Variants in SNIP1 observed in about 807,000 individuals in gnomAD.
SNIP1 encodes smad nuclear-interacting protein 1.
A neutral mutation model predicts 37.4 loss-of-function variants in SNIP1; 23 were observed. That is an observed-to-expected ratio of 0.61 (90% confidence interval 0.44 to 0.87). The LOEUF (loss-of-function observed/expected upper bound fraction) is 0.87. Ranked by LOEUF, SNIP1 falls within the 40% of genes least tolerant of loss-of-function variation. The pLI, the probability that SNIP1 is intolerant of heterozygous loss-of-function variation, is 0.00. For missense variants in SNIP1, 459 were observed against 540.4 expected (o/e 0.85, Z 1.49); for synonymous variants, 174 against 200.0 (o/e 0.87, Z 1.10).
chr1:37,540,357 T>C lies in SNIP1; in HGVS notation c.726A>G (p.Val242=), dbSNP rs1643158432. 3.1e-6 allele frequency: 5 copies of C among 1,614,184 alleles called. No homozygotes were observed. The highest frequency in any genetic ancestry group is 4.2e-6 in the Non-Finnish European group (5 of 1,180,026). ...CTGGGGGCTCACTATATTTAATGAC[T>C]ACACCCCGGAAAGTGTTGGTGTCCT... is the stretch of plus-strand genomic sequence containing the variant. ...LLEDTNTFRG[V]VIKYSEPPEA... is the part of the protein sequence containing the mutation. The change falls in exon 3 of 4, where the codon GTA becomes GTG. Residue 242 remains valine (V), a synonymous_variant. Coordinates refer to ENST00000296215, the MANE Select transcript of SNIP1 (RefSeq NM_024700.4). The surrounding 1 kb of genome is among the most constrained non-coding windows in gnomAD (Gnocchi z 5.6).
At chr1:37,553,022 A>G (rs1297361175) in intron 1 of SNIP1, among the ~76,000 whole-genome samples, 1 of 152,072 alleles carries the variant, frequency 6.6e-6, no homozygotes, top group Non-Finnish European at 1.5e-5. Flanking sequence ...ACTCCTTGCC[A>G]TCTCGCTGAT....
At position 37,536,320 on chromosome 1, in the gene SNIP1, CTGAT is replaced by C. The variant is rs1457105444; in HGVS notation, c.*1424_*1427del. On this transcript the variant is annotated 3_prime_UTR_variant, in exon 4 of 4. Coordinates refer to ENST00000296215, the MANE Select transcript of SNIP1 (RefSeq NM_024700.4). ...CCAAGAGGAACAATTAGTAGTAACA[CTGAT>C]TGAGCTGCTTCACCACCTTTCCCCA... 2.0e-5 allele frequency: 3 copies of C among 152,182 alleles called. No homozygotes were observed. Among genetic ancestry groups the C allele is most frequent in the Non-Finnish European group, 4.4e-5 (3 of 68,038 alleles). 9.4% of individuals were successfully genotyped at this position (152,182 alleles called of 1,614,324 possible).
At chr1:37,553,915 C>T (rs1257456431) in intron 1 of SNIP1, 91 bp downstream of exon 1, 2 of 1,332,728 alleles carry the variant, frequency 1.5e-6, no homozygotes, top group Non-Finnish European at 2.1e-6. Flanking sequence ...CTGCTGCGCC[C>T]ACCATTCAAA....
intron 2 of SNIP1, chr1:37,548,758 AAAG>A (rs1211348880): frequency 4.6e-5 from 7 of 152,134 alleles, no homozygotes; most frequent in African/African-American, 1.7e-4. Context: ...AAAAAAAAAA[AAAG>A]ACGACTGAAT....
chr1:37,542,088 T>G (rs2148113575), intron 2 of SNIP1, among the ~76,000 whole-genome samples: 1 of 152,340 alleles, frequency 6.6e-6, no homozygotes, highest in Non-Finnish European at 1.5e-5. Flanking sequence ...CTCTTTAGCA[T>G]TCCTAATTGC....
At position 37,554,108 on chromosome 1, in the gene SNIP1, G is replaced by A; in HGVS notation, c.122C>T (p.Pro41Leu). 2.5e-6 allele frequency: 4 copies of A among 1,612,310 alleles called. No homozygotes were observed. Among genetic ancestry groups the A allele is most frequent in the Non-Finnish European group, 3.4e-6 (4 of 1,179,402 alleles). The change falls in exon 1 of 4, where the codon CCC (proline) becomes CTC (leucine). Residue 41 changes from proline to leucine, a missense_variant. Pro to Leu is a moderately conservative substitution (Grantham distance 98). Coordinates refer to ENST00000296215, the MANE Select transcript of SNIP1 (RefSeq NM_024700.4). The part of the protein sequence containing the change: ...QERLSPEVAP[P>L]AHRRPDHSGG... Reference sequence around the variant, plus strand: ...GGAGTGGTCCGGACGGCGGTGGGCGGGAGGTGCGACTTCTGGGCTGAGACG... The same window carrying A: ...GGAGTGGTCCGGACGGCGGTGGGCGAGAGGTGCGACTTCTGGGCTGAGACG...
rs1443545868 is a variant in SNIP1, at chr1:37,554,214, T to A, written c.16A>T (p.Ser6Cys). The A allele has an allele frequency of 2.5e-6, 4 of 1,604,416 alleles. No individual in the cohort carries two copies. In the East Asian group the frequency reaches 8.9e-5, roughly 36 times the overall value. Residue 6 changes from serine to cysteine, a missense_variant, in exon 1 of 4, where the codon AGC (serine) becomes TGC (cysteine). Physicochemically the swap from Ser to Cys is moderately radical, Grantham distance 112. Coordinates refer to ENST00000296215, the MANE Select transcript of SNIP1 (RefSeq NM_024700.4). ...CGCCGGCTCCCTCGCTCCCGTTCGCTCTTCACCGCCTTCATTCTGTGATTT... is the reference window on the plus strand; with the variant it reads ...CGCCGGCTCCCTCGCTCCCGTTCGCACTTCACCGCCTTCATTCTGTGATTT... The part of the protein sequence containing the change: MKAVK[S>C]ERERGSRRRH...
chr1:37,547,939 G>C (rs1205950481), intron 2 of SNIP1, among the ~76,000 whole-genome samples: 1 of 151,874 alleles, frequency 6.6e-6, no homozygotes, highest in African/African-American at 2.4e-5. Flanking sequence ...GAGGTCAGGA[G>C]ATGGAGACCA....
chr1:37,543,039 A>G (rs1643192196), intron 2 of SNIP1, among the ~76,000 whole-genome samples: 1 of 151,940 alleles, frequency 6.6e-6, no homozygotes, highest in African/African-American at 2.4e-5. Context: ...CAGCCTTGGC[A>G]ACAGAGACCC....
chr1:37,539,671 C>A (rs1643146055), intron 3 of SNIP1, among the ~76,000 whole-genome samples: 1 of 152,224 alleles, frequency 6.6e-6, no homozygotes. Context: ...GATCGCGCCA[C>A]TGCACTCCAG....
intron 2 of SNIP1, among the ~76,000 whole-genome samples, chr1:37,545,595 A>G (rs1433829795): frequency 6.6e-6 from 1 of 151,992 alleles, no homozygotes; most frequent in African/African-American, 2.4e-5. Context: ...CAAAATGATT[A>G]GGGAGAAAAT....
intron 3 of SNIP1, among the ~76,000 whole-genome samples, chr1:37,538,400 T>G (rs1643125114): frequency 1.3e-5 from 2 of 150,922 alleles, no homozygotes; most frequent in African/African-American, 4.9e-5. Flanking sequence ...AGCCAGCTAC[T>G]TGGGAGGTTG....
At chr1:37,546,579 C>A (rs1217716797) in intron 2 of SNIP1, among the ~76,000 whole-genome samples, 1 of 151,912 alleles carries the variant, frequency 6.6e-6, no homozygotes, top group Non-Finnish European at 1.5e-5. Context: ...GAGGCTGGGG[C>A]AGAAGAATCA....
Position 37,540,805 on chromosome 1 carries a change from G to T in SNIP1, c.328-50C>A. 6.7e-7 allele frequency: 1 copy of T among 1,491,210 alleles called. No individual in the cohort carries two copies. The highest frequency in any genetic ancestry group is 8.9e-7 in the Non-Finnish European group (1 of 1,117,822). The allele number at this position is 1,491,210 out of a possible 1,614,324, so 92.4% of individuals were successfully genotyped here. Reference sequence around the variant, plus strand: ...TTTAAACGCAGTGCACAATCTAAAGGCAGCCCAAATCTTGTTCTTTTTGAA... The same window carrying T: ...TTTAAACGCAGTGCACAATCTAAAGTCAGCCCAAATCTTGTTCTTTTTGAA... On this transcript the variant is annotated intron_variant, in intron 2 of 3. Coordinates refer to ENST00000296215, the MANE Select transcript of SNIP1 (RefSeq NM_024700.4). The surrounding 1 kb of genome is among the most constrained non-coding windows in gnomAD (Gnocchi z 5.6).
intron 2 of SNIP1, chr1:37,545,256 T>C (rs974960905): frequency 4.6e-6 from 3 of 645,880 alleles, no homozygotes; most frequent in Admixed American, 1.8e-5. Context: ...GGCAGAATAT[T>C]TCTCTGACAA....
intron 3 of SNIP1, among the ~76,000 whole-genome samples, chr1:37,538,451 G>A (rs1643125834): frequency 6.8e-6 from 1 of 146,790 alleles, no homozygotes; most frequent in Non-Finnish European, 1.5e-5. Flanking sequence ...AGAGGTTGCA[G>A]TGAGCCGAGA....
chr1:37,539,370 A>G (rs1643140007), intron 3 of SNIP1, among the ~76,000 whole-genome samples: 1 of 152,150 alleles, frequency 6.6e-6, no homozygotes, highest in Admixed American at 6.5e-5. Flanking sequence ...TCAAATGGGG[A>G]TACAAATACG....
rs1347934112 is a variant in SNIP1 at position 37,537,250 on chromosome 1, A to G, written c.*498T>C. 2.0e-5 allele frequency: 3 copies of G among 153,698 alleles called. No homozygotes were observed. The highest frequency in any genetic ancestry group is 2.9e-5 in the Non-Finnish European group (2 of 68,790). 9.5% of individuals were successfully genotyped at this position (153,698 alleles called of 1,614,324 possible). A position where few individuals can be genotyped will look rare whatever the true frequency, so the allele number is the denominator to read the frequency against. ...CTAAGCTCAAGAGCTCAAACAAGTC[A>G]AAGCTTTGGTATATACTGGAGGTTG... On this transcript the variant is annotated 3_prime_UTR_variant, in exon 4 of 4. Transcript: ENST00000296215.
chr1:37,541,402 C>A (rs1367091513), intron 2 of SNIP1: 1 of 152,180 alleles, frequency 6.6e-6, no homozygotes, highest in East Asian at 1.9e-4. Flanking sequence ...GTGGCTCAAG[C>A]CTGTAATCCC....
Sources: gnomAD v4.1 joint callset for allele counts (sites outside exome capture counted in the v4.1 genomes callset) on GRCh38, gnomAD v4.1.1 for gene constraint, Gnocchi (gnomAD v3.1) non-coding constraint, MANE v1.5 for transcripts, NCBI Gene and HGNC (gene_info 2026-07-23, HGNC 2026-07-21) for gene names.